The following HMCN1 variants were observed in gnomAD, a reference collection of about 807,000 sequenced individuals.
HMCN1 encodes the protein hemicentin 1.
Under a neutral mutation model 625.9 loss-of-function variants are expected in HMCN1, and 321 were observed. The ratio of observed to expected loss-of-function variants is 0.51; its 90% CI spans 0.47 to 0.56. The LOEUF (loss-of-function observed/expected upper bound fraction) is 0.56. HMCN1 is among the 20% of genes least tolerant of loss of function. HMCN1 has a pLI of 0.00. For missense variants in HMCN1, 6,588 were observed against 6,887.3 expected (o/e 0.96, Z 1.54); for synonymous variants, 2,425 against 2,417.6 (o/e 1.00, Z -0.09).
rs1372802853 is a variant in HMCN1, at chr1:186,132,376, G to C, written c.13279G>C (p.Val4427Leu). Residue 4427 changes from valine to leucine, a missense_variant, in exon 86 of 107, where the codon GTG becomes CTG. This residue lies in a region of HMCN1 where 1,954 missense variants were observed against 2,013.1 expected (regional missense o/e 0.97). Transcript: ENST00000271588. The part of the protein sequence containing the change: ...YTCVATNEAG[V>L]VERSMSLTLQ... ...ATGTGTAGCTACCAATGAAGCTGGGGTGGTGGAGCGCAGCATGAGTCTGAC... is the reference window on the plus strand; with the variant it reads ...ATGTGTAGCTACCAATGAAGCTGGGCTGGTGGAGCGCAGCATGAGTCTGAC... 1 of 1,612,600 alleles carries C rather than the reference G, an allele frequency of 6.2e-7. No individual in the cohort carries two copies. The highest frequency in any genetic ancestry group is 2.2e-5 in the East Asian group (1 of 44,804).
chr1:185,975,578 G>T (rs979247904), intron 15 of HMCN1, among the ~76,000 whole-genome samples: 2 of 152,004 alleles, frequency 1.3e-5, no homozygotes. Context: ...TGAGATTTGG[G>T]CAGGGACACA....
intron 1 of HMCN1, among the ~76,000 whole-genome samples, chr1:185,813,736 T>G (rs1472398542): frequency 6.6e-6 from 1 of 152,184 alleles, no homozygotes; most frequent in African/African-American, 2.4e-5. Context: ...GTTTATAGTT[T>G]AATAGAAATT....
rs1386375806 is a variant in HMCN1, at chr1:186,037,984, G to T, written c.5800G>T (p.Val1934Leu). ...AAAAATGCTGAATGAGACTGTGTTG[G>T]TGAGCAACCCTGTACAGCTGGAGTG... ...AGKMLNETVL[V>L]SNPVQLECKA... The change falls in exon 37 of 107, where the codon GTG becomes TTG. Residue 1934 changes from valine to leucine, a missense_variant. Transcript: ENST00000271588. 1 of 1,613,500 alleles carries T rather than the reference G, an allele frequency of 6.2e-7. No individual in the cohort carries two copies.
intron 4 of HMCN1, among the ~76,000 whole-genome samples, chr1:185,903,231 G>A (rs572115017): frequency 2.0e-5 from 3 of 151,106 alleles, no homozygotes; most frequent in South Asian, 2.1e-4. Flanking sequence ...TATTTTTTTC[G>A]GCTGTTGTGT....
intron 4 of HMCN1, among the ~76,000 whole-genome samples, chr1:185,881,898 A>G (rs894802842): frequency 6.6e-6 from 1 of 152,180 alleles, no homozygotes; most frequent in Admixed American, 6.5e-5. Context: ...TGCAGCTTCA[A>G]AAGTATTTTG....
At chr1:185,854,656 A>T (rs912466376) in intron 2 of HMCN1, among the ~76,000 whole-genome samples, 3 of 152,142 alleles carry the variant, frequency 2.0e-5, no homozygotes, top group African/African-American at 7.2e-5. Context: ...GATTTTTTAA[A>T]ATCCTGATTT....
chr1:185,787,260 G>T (rs917727803), intron 1 of HMCN1, among the ~76,000 whole-genome samples: 126 of 152,040 alleles, frequency 8.3e-4, no homozygotes, highest in African/African-American at 3.0e-3. Context: ...TCTGTATCAG[G>T]AATGAGAAGA....
intron 1 of HMCN1, among the ~76,000 whole-genome samples, chr1:185,833,993 C>A (rs1661026003): frequency 6.6e-6 from 1 of 152,156 alleles, no homozygotes; most frequent in African/African-American, 2.4e-5. Flanking sequence ...ACAGAGACTG[C>A]ACTTTATAAA....
At chr1:185,989,463 CT>C in intron 20 of HMCN1, 24 bp from the exon 21 acceptor site, 1 of 1,613,102 alleles carries the variant, frequency 6.2e-7, no homozygotes, top group Non-Finnish European at 8.5e-7. Flanking sequence ...ACAAAAAACC[CT>C]TTGCTTTTCG....
chr1:186,009,425 G>C (rs537739160), intron 30 of HMCN1, among the ~76,000 whole-genome samples: 1 of 152,124 alleles, frequency 6.6e-6, no homozygotes, highest in Admixed American at 6.5e-5. Context: ...AGCAATGCTC[G>C]CCTGCATCTC....
At chr1:185,963,714 A>T (rs750457124) in intron 12 of HMCN1, 54 bp from the exon 13 acceptor site, 10 of 1,287,330 alleles carry the variant, frequency 7.8e-6, no homozygotes, top group Non-Finnish European at 1.0e-5. Context: ...TATTATCTTG[A>T]TATTACTATT....
rs550121421 is a variant in HMCN1, at chr1:185,996,804, A to T, written c.3779-625A>T. 3.5e-4 allele frequency among the ~76,000 whole-genome samples: 54 copies of T among 152,258 alleles called. No individual in the cohort carries two copies. The South Asian group carries it at 5.4e-3, about 15-fold the overall frequency. ...TCTTCATGAAATGAATGGATGATGG[A>T]GCTGTTCAGAGACATGGGATGCACT... On this transcript the variant is annotated intron_variant, in intron 24 of 106. Transcript: ENST00000271588.
intron 63 of HMCN1, 151 bp downstream of exon 63, chr1:186,088,906 C>A: frequency 1.3e-6 from 1 of 781,110 alleles, no homozygotes; most frequent in Non-Finnish European, 2.0e-6. Flanking sequence ...TTATATTTAC[C>A]AGTAGATTCT....
intron 103 of HMCN1, among the ~76,000 whole-genome samples, chr1:186,175,157 CTGTT>C (rs1248569955): frequency 1.3e-5 from 2 of 152,104 alleles, no homozygotes; most frequent in African/African-American, 2.4e-5. Flanking sequence ...CCCCAGTTGC[CTGTT>C]TGTTTTCATC....
intron 4 of HMCN1, among the ~76,000 whole-genome samples, chr1:185,870,978 T>A (rs1181954733): frequency 2.6e-5 from 4 of 151,820 alleles, no homozygotes; most frequent in Non-Finnish European, 5.9e-5. Flanking sequence ...ACGTCTGTAA[T>A]CCCAGCACTT....
chr1:186,044,141 G>A (rs1656393822), intron 40 of HMCN1, among the ~76,000 whole-genome samples: 2 of 152,158 alleles, frequency 1.3e-5, no homozygotes. Context: ...TTTTATAGTA[G>A]TTTTAGTCTC....
intron 54 of HMCN1, among the ~76,000 whole-genome samples, chr1:186,077,223 G>A (rs1339095389): frequency 6.6e-6 from 1 of 152,044 alleles, no homozygotes; most frequent in African/African-American, 2.4e-5. Flanking sequence ...AAATAAAAGA[G>A]TATCCTGAAA....
chr1:185,933,429 G>A, intron 10 of HMCN1, 120 bp from the exon 11 acceptor site: 1 of 939,374 alleles, frequency 1.1e-6, no homozygotes, highest in South Asian at 1.4e-5. Flanking sequence ...AGTAAGTTCT[G>A]TTGCACTGCA....
chr1:186,053,414 C>G (rs1657099773), intron 43 of HMCN1, among the ~76,000 whole-genome samples: 1 of 151,950 alleles, frequency 6.6e-6, no homozygotes, highest in Non-Finnish European at 1.5e-5. Context: ...TTTTAAACTT[C>G]CTGGGTGATT....
Sources: allele counts gnomAD v4.1 joint callset (sites outside exome capture counted in the v4.1 genomes callset), GRCh38; gene constraint gnomAD v4.1.1; regional missense constraint gnomAD v4.1.1; transcripts MANE v1.5; gene names NCBI Gene and HGNC (gene_info 2026-07-23, HGNC 2026-07-21).